The following IGSF21 variants were observed in gnomAD, a reference collection of about 807,000 sequenced individuals.
IGSF21 encodes the protein immunoglobin superfamily member 21.
In IGSF21, 28 loss-of-function variants were observed where a neutral mutation model predicts 46.8. That is an observed-to-expected ratio of 0.60 (90% CI 0.44 to 0.82). IGSF21 has a LOEUF of 0.82. Among genes scored for constraint, IGSF21 ranks in the 40% least tolerant of loss-of-function variants. IGSF21 has a pLI of 0.00. For missense variants in IGSF21, 624 were observed against 665.5 expected, an observed-to-expected ratio of 0.94 and a Z score of 0.69; for synonymous variants, 284 against 273.6, an observed-to-expected ratio of 1.04 and a Z score of -0.38.
intron 1 of IGSF21, among the ~76,000 whole-genome samples, chr1:18,119,301 C>T (rs755494609): frequency 5.6e-4 from 85 of 152,316 alleles, no homozygotes; most frequent in Non-Finnish European, 3.1e-4. Context: ...TCTAGGGCTA[C>T]GCTGTTTCAA....
Position 18,135,375 on chromosome 1 carries a change from A to G in IGSF21, c.70+27177A>G, listed in dbSNP as rs529637729. ...CGCTGCACCCACTAACTTGTCATTT[A>G]GCATTAGGTATATCTCCTAATGCTA... On this transcript the variant is annotated intron_variant, in intron 1 of 9. Coordinates refer to ENST00000251296, the MANE Select transcript of IGSF21 (RefSeq NM_032880.5). Among the ~76,000 whole-genome samples, 190 of 152,076 alleles carry G rather than the reference A, an allele frequency of 1.2e-3. 1 individual carries two copies. Among genetic ancestry groups the G allele is most frequent in the African/African-American group, 3.9e-3 (163 of 41,468 alleles).
chr1:18,345,853 T>G (rs2085887519), intron 4 of IGSF21, among the ~76,000 whole-genome samples: 2 of 152,202 alleles, frequency 1.3e-5, no homozygotes, highest in Non-Finnish European at 1.5e-5. Flanking sequence ...GAACTAGAAT[T>G]CAAACCCAGG....
chr1:18,348,043 C>T (rs954110173), intron 4 of IGSF21, among the ~76,000 whole-genome samples: 5 of 152,158 alleles, frequency 3.3e-5, no homozygotes, highest in African/African-American at 9.7e-5. Flanking sequence ...TTGCTCCAGG[C>T]ACTTAAATAT....
At chr1:18,252,992 G>A (rs1202418064) in intron 2 of IGSF21, among the ~76,000 whole-genome samples, 2 of 152,102 alleles carry the variant, frequency 1.3e-5, no homozygotes, top group Non-Finnish European at 2.9e-5. Context: ...GTAATTAATT[G>A]GAAGAAACGC....
chr1:18,194,180 A>G (rs1195925382), intron 1 of IGSF21, among the ~76,000 whole-genome samples: 1 of 152,220 alleles, frequency 6.6e-6, no homozygotes, highest in Non-Finnish European at 1.5e-5. Context: ...CACTTCCACA[A>G]AACAGCAGTT....
intron 2 of IGSF21, among the ~76,000 whole-genome samples, chr1:18,245,515 T>A (rs1367443175): frequency 6.6e-6 from 1 of 152,236 alleles, no homozygotes; most frequent in Non-Finnish European, 1.5e-5. Flanking sequence ...GCAATTGATT[T>A]TTTGTGGCTT....
intron 3 of IGSF21, among the ~76,000 whole-genome samples, chr1:18,310,265 C>T (rs2085476146): frequency 6.6e-6 from 1 of 152,122 alleles, no homozygotes; most frequent in Non-Finnish European, 1.5e-5. Flanking sequence ...ACACAGCTGC[C>T]CAGGTCAAGA....
At chr1:18,332,935 AGAC>A (rs2085729590) in intron 3 of IGSF21, among the ~76,000 whole-genome samples, 1 of 152,228 alleles carries the variant, frequency 6.6e-6, no homozygotes, top group African/African-American at 2.4e-5. Flanking sequence ...AGGAGCCAGA[AGAC>A]GAAGATGGAG....
At chr1:18,222,071 C>T (rs1270796931) in intron 1 of IGSF21, among the ~76,000 whole-genome samples, 1 of 152,154 alleles carries the variant, frequency 6.6e-6, no homozygotes, top group African/African-American at 2.4e-5. Context: ...CTCACCTCTC[C>T]TCTGCTCTTC....
intron 1 of IGSF21, among the ~76,000 whole-genome samples, chr1:18,157,265 G>A (rs548031064): frequency 6.6e-6 from 1 of 152,218 alleles, no homozygotes; most frequent in Non-Finnish European, 1.5e-5. Flanking sequence ...GGGGCTTCTA[G>A]CTCTTTCTTT....
chr1:18,365,042 G>T lies in IGSF21; in HGVS notation c.541-181G>T, dbSNP rs968934093. On this transcript the variant is annotated intron_variant, in intron 5 of 9. Coordinates refer to ENST00000251296, the MANE Select transcript of IGSF21 (RefSeq NM_032880.5). The surrounding 1 kb of genome is among the most constrained non-coding windows in gnomAD (Gnocchi z 4.8). ...CCAAGGGCCTGCATGTGTTCCCATT[G>T]TACCACACTGGCTCATAGTTCTTGG... 6.6e-6 allele frequency among the ~76,000 whole-genome samples: 1 copy of T among 152,184 alleles called. No individual in the cohort carries two copies. Among genetic ancestry groups the T allele is most frequent in the Admixed American group, 6.5e-5 (1 of 15,292 alleles).
At chr1:18,242,906 C>T (rs903135146) in intron 2 of IGSF21, among the ~76,000 whole-genome samples, 1 of 152,184 alleles carries the variant, frequency 6.6e-6, no homozygotes, top group Non-Finnish European at 1.5e-5. Context: ...TGTCATGTGA[C>T]CCGCACCCTT....
At position 18,334,844 on chromosome 1, in the gene IGSF21, C is replaced by T. The variant is rs1330148022; in HGVS notation, c.306-48C>T. ...ATGAGTTTCCTTGAACGCTGCCTCA[C>T]CCAGCCCCACGATGAAGGGCCCTCA... On this transcript the variant is annotated intron_variant, in intron 3 of 9. Transcript: ENST00000251296. This position sits in a 1 kb window ranked among gnomAD's most constrained non-coding sequence, Gnocchi z 4.3. 7.0e-7 allele frequency: 1 copy of T among 1,422,976 alleles called. No homozygotes were observed. Among genetic ancestry groups the T allele is most frequent in the South Asian group, 1.1e-5 (1 of 87,074 alleles). 88.1% of individuals were successfully genotyped at this position (1,422,976 alleles called of 1,614,324 possible).
At chr1:18,250,828 A>G (rs2084834770) in intron 2 of IGSF21, among the ~76,000 whole-genome samples, 1 of 152,172 alleles carries the variant, frequency 6.6e-6, no homozygotes, top group Non-Finnish European at 1.5e-5. Context: ...GACAAACAAG[A>G]TCTCTGCTTT....
At chr1:18,341,281 G>A (rs1307225731) in intron 4 of IGSF21, among the ~76,000 whole-genome samples, 4 of 151,750 alleles carry the variant, frequency 2.6e-5, no homozygotes, top group African/African-American at 9.7e-5. Flanking sequence ...TCCTTATAAG[G>A]ACATCAGTCA....
In IGSF21 at chr1:18,187,240, GAGAA is replaced by G. The variant is rs371858751; in HGVS notation, c.71-40654_71-40651del. Among the ~76,000 whole-genome samples the G allele has an allele frequency of 9.6e-3, 1,018 of 105,958 alleles. 10 individuals carry two copies. The highest frequency in any genetic ancestry group is 0.032 in the African/African-American group (961 of 29,886). The allele number at this position is 105,958 out of a possible 152,430, so 69.5% of individuals were successfully genotyped here. On this transcript the variant is annotated intron_variant, in intron 1 of 9. Transcript: ENST00000251296. Reference sequence around the variant, plus strand: ...AGATACAGAGAGAGAGAGAGAGAGAGAGAAAGAGCGAGTGAGCACACTCTGATCT... The same window carrying G: ...AGATACAGAGAGAGAGAGAGAGAGAGAGAGCGAGTGAGCACACTCTGATCT...
chr1:18,373,434 G>A (rs987301160), intron 6 of IGSF21, among the ~76,000 whole-genome samples: 1 of 152,196 alleles, frequency 6.6e-6, no homozygotes, highest in African/African-American at 2.4e-5. Context: ...GAGGGTGGAA[G>A]GAGTGAGGAG....
chr1:18,339,446 G>A (rs978683505), intron 4 of IGSF21, among the ~76,000 whole-genome samples: 2 of 152,178 alleles, frequency 1.3e-5, no homozygotes, highest in Non-Finnish European at 2.9e-5. Context: ...CAAAAACTCC[G>A]ATGGTCCTGG....
intron 1 of IGSF21, among the ~76,000 whole-genome samples, chr1:18,162,196 C>A (rs896881289): frequency 1.3e-5 from 2 of 152,064 alleles, no homozygotes; most frequent in African/African-American, 4.8e-5. Flanking sequence ...CAGGCACGTG[C>A]CACCACATGT....
Sources: allele counts gnomAD v4.1 joint callset (sites outside exome capture counted in the v4.1 genomes callset), GRCh38; gene constraint gnomAD v4.1.1; non-coding constraint Gnocchi (gnomAD v3.1); transcripts MANE v1.5; gene names NCBI Gene and HGNC (gene_info 2026-07-23, HGNC 2026-07-21).